The following ZFHX3 variants were observed in gnomAD, a reference collection of about 807,000 sequenced individuals.
The protein encoded by ZFHX3 is zinc finger homeobox 3, also known as zinc finger homeobox protein 3.
ZFHX3 carries 42 observed loss-of-function variants against 279.1 expected under a neutral mutation model. The observed-to-expected ratio is 0.15, with a 90% CI of 0.12 to 0.19. The LOEUF is 0.19. Among genes scored for constraint, ZFHX3 ranks in the 10% least tolerant of loss-of-function variants. The pLI is 1.00. For missense variants in ZFHX3, 4,981 were observed against 4,754.0 expected (o/e 1.05, Z -1.40); for synonymous variants, 2,293 against 1,957.8 (o/e 1.17, Z -4.52).
intron 4 of ZFHX3, among the ~76,000 whole-genome samples, chr16:72,878,538 C>T (rs994295590): frequency 6.6e-6 from 1 of 152,220 alleles, no homozygotes; most frequent in Non-Finnish European, 1.5e-5. Context: ...CAGAGCAACC[C>T]GAGGCACGCG....
chr16:73,423,961 T>C (rs1480959386), intron 3 of ZFHX3, among the ~76,000 whole-genome samples: 1 of 151,770 alleles, frequency 6.6e-6, no homozygotes, highest in South Asian at 2.1e-4. Context: ...TCTGTGCCAA[T>C]ATTACCATTC....
chr16:73,346,503 G>A (rs958717309), intron 3 of ZFHX3, among the ~76,000 whole-genome samples: 3 of 152,162 alleles, frequency 2.0e-5, no homozygotes, highest in Admixed American at 6.6e-5. Flanking sequence ...ACAAAGTTTT[G>A]CTTTGTCATC....
chr16:73,075,421 T>C lies in ZFHX3; in HGVS notation c.-532-16409A>G, dbSNP rs1185610666. ...GTAACAATAAAACAATCAGTTTTCA[T>C]TGTTGGTATGTTTTTAAAAATATGA... On this transcript the variant is annotated intron_variant, in intron 8 of 17. Coordinates refer to the ZFHX3 transcript ENST00000641206. Among the ~76,000 whole-genome samples the C allele has an allele frequency of 3.9e-5, 6 of 152,124 alleles. No homozygotes were observed. In the East Asian group the frequency reaches 1.2e-3, roughly 29 times the overall value.
chr16:73,346,859 C>T, intron 3 of ZFHX3, among the ~76,000 whole-genome samples: 1 of 152,196 alleles, frequency 6.6e-6, no homozygotes, highest in East Asian at 1.9e-4. Flanking sequence ...GAGGAGACTT[C>T]TCTCCTCCCT....
intron 3 of ZFHX3, among the ~76,000 whole-genome samples, chr16:72,901,916 A>C (rs2039046850): frequency 6.6e-6 from 1 of 150,998 alleles, no homozygotes; most frequent in African/African-American, 2.4e-5. Context: ...TCCTTCCCCC[A>C]CCCCCTTTTT....
rs368391189 is a variant in ZFHX3 at position 72,957,666 on chromosome 16, T to C, written c.2480A>G (p.Lys827Arg). The C allele has an allele frequency of 6.8e-6, 11 of 1,614,082 alleles. No homozygotes were observed. Among genetic ancestry groups the C allele is most frequent in the African/African-American group, 1.3e-5 (1 of 74,932 alleles). ...RNLRIHMTSE[K>R]HMHNMMLLQQ... ...CAGTAACATCATGTTATGCATGTGC[T>C]TCTCACTGGTCATGTGAATGCGGAG... The change falls in exon 2 of 10, where the codon AAG (lysine) becomes AGG (arginine). Residue 827 changes from lysine to arginine, a missense_variant. Physicochemically the swap from Lys to Arg is conservative, Grantham distance 26. Coordinates refer to ENST00000268489, the MANE Select transcript of ZFHX3 (RefSeq NM_006885.4).
chr16:72,799,937 T>G, intron 8 of ZFHX3, 90 bp downstream of exon 8: 1 of 1,149,592 alleles, frequency 8.7e-7, no homozygotes. Flanking sequence ...CTTAAGAGTA[T>G]TGTAAAGAAT....
chr16:73,497,757 C>G, intron 2 of ZFHX3, among the ~76,000 whole-genome samples: 1 of 152,116 alleles, frequency 6.6e-6, no homozygotes, highest in East Asian at 1.9e-4. Flanking sequence ...TGAAACGCTC[C>G]CAAAGATATG....
chr16:73,003,227 A>G (rs1963560907), intron 1 of ZFHX3, among the ~76,000 whole-genome samples: 1 of 151,662 alleles, frequency 6.6e-6, no homozygotes, highest in Non-Finnish European at 1.5e-5. Context: ...TTATGTATAA[A>G]TTTCCTTTGC....
chr16:73,600,293 T>G (rs567700240), intron 2 of ZFHX3, among the ~76,000 whole-genome samples: 2 of 152,278 alleles, frequency 1.3e-5, no homozygotes, highest in East Asian at 3.9e-4. Context: ...CAAGAGATGG[T>G]ACCTGGGACA....
chr16:72,893,495 C>T (rs139263208), intron 3 of ZFHX3, among the ~76,000 whole-genome samples: 9 of 152,280 alleles, frequency 5.9e-5, no homozygotes, highest in East Asian at 3.9e-4. Context: ...GTCATAGGAC[C>T]GTATAAACCC....
At chr16:73,410,761 C>T (rs2017450019) in intron 3 of ZFHX3, among the ~76,000 whole-genome samples, 1 of 152,130 alleles carries the variant, frequency 6.6e-6, no homozygotes, top group Non-Finnish European at 1.5e-5. Context: ...AATGGTATTC[C>T]TAAGAATGAA....
chr16:72,803,485 C>T (rs2036172679), intron 7 of ZFHX3, among the ~76,000 whole-genome samples: 3 of 152,176 alleles, frequency 2.0e-5, no homozygotes, highest in South Asian at 2.1e-4. Context: ...ATTTCAGAGG[C>T]CCTCAAATAA....
intron 1 of ZFHX3, among the ~76,000 whole-genome samples, chr16:73,868,849 A>G (rs924412827): frequency 3.3e-5 from 5 of 151,890 alleles, no homozygotes; most frequent in Admixed American, 2.0e-4. Flanking sequence ...TTTTATGTCA[A>G]TACTCTGCAT....
chr16:72,845,299 G>A (rs1339973935), intron 4 of ZFHX3, among the ~76,000 whole-genome samples: 2 of 152,122 alleles, frequency 1.3e-5, no homozygotes, highest in Non-Finnish European at 2.9e-5. Context: ...CCTAGAGGAC[G>A]CACACTCCTG....
chr16:73,220,047 T>C (rs1189451732), intron 5 of ZFHX3, among the ~76,000 whole-genome samples: 2 of 151,788 alleles, frequency 1.3e-5, no homozygotes, highest in Non-Finnish European at 2.9e-5. Flanking sequence ...GGTTGTGCCA[T>C]TGTACTCCAG....
intron 1 of ZFHX3, among the ~76,000 whole-genome samples, chr16:73,000,728 C>T (rs927139633): frequency 6.6e-6 from 1 of 152,220 alleles, no homozygotes; most frequent in African/African-American, 2.4e-5. Flanking sequence ...ACCCAGCAGA[C>T]ACTCCAAAGC....
chr16:73,405,045 G>A (rs1777644690), intron 3 of ZFHX3, among the ~76,000 whole-genome samples: 1 of 152,144 alleles, frequency 6.6e-6, no homozygotes, highest in Admixed American at 6.5e-5. Flanking sequence ...ATTACCAATG[G>A]CCGTGATGGG....
chr16:73,382,594 G>C (rs1307129726), intron 3 of ZFHX3, among the ~76,000 whole-genome samples: 4 of 152,038 alleles, frequency 2.6e-5, no homozygotes. Flanking sequence ...AACCAGGGAG[G>C]CTGGCTGGAA....
Sources: gnomAD v4.1 joint callset for allele counts (sites outside exome capture counted in the v4.1 genomes callset) on GRCh38, gnomAD v4.1.1 for gene constraint, MANE v1.5 for transcripts, NCBI Gene and HGNC (gene_info 2026-07-23, HGNC 2026-07-21) for gene names.